MME: variants seen among roughly 807,000 people sequenced by gnomAD.
MME encodes the protein membrane metalloendopeptidase.
Under a neutral mutation model 113.2 loss-of-function variants are expected in MME, and 98 were observed. The observed-to-expected ratio is 0.87, with a 90% confidence interval of 0.74 to 1.02. The LOEUF (loss-of-function observed/expected upper bound fraction) is 1.02, where lower values mean the gene tolerates loss of function less well. Ranked by LOEUF, MME falls within the 50% of genes least tolerant of loss-of-function variation. The probability of loss-of-function intolerance (pLI) is 0.00; values close to 1 mark genes in which losing one functional copy is unlikely to be tolerated. For synonymous variants in MME, 292 were observed against 300.6 expected (o/e 0.97, Z 0.30); for missense variants, 836 against 896.0 (o/e 0.93, Z 0.86).
intron 1 of MME, among the ~76,000 whole-genome samples, chr3:155,036,342 G>A (rs1713126631): frequency 1.3e-5 from 2 of 152,166 alleles, no homozygotes; most frequent in Admixed American, 1.3e-4. Flanking sequence ...ACAGTTTTAC[G>A]CTTTTATGTA....
At position 155,142,033 on chromosome 3, in the gene MME, G is replaced by A. The variant is rs768955989; in HGVS notation, c.1000G>A (p.Val334Met). The A allele has an allele frequency of 6.2e-7, 1 of 1,613,598 alleles. No homozygotes were observed. The highest frequency in any genetic ancestry group is 1.1e-5 in the South Asian group (1 of 91,066). The change falls in exon 11 of 23, where the codon GTG becomes ATG. Residue 334 changes from valine (V) to methionine (M), a missense_variant. Physicochemically the swap from Val to Met is conservative, Grantham distance 21. Coordinates refer to ENST00000360490, the MANE Select transcript of MME (RefSeq NM_007289.4). The stretch of plus-strand genomic sequence containing the variant: ...TTTCACAAATGAAATCATGTCAACT[G>A]TGAATATTAGTATTACAAATGAGGA... Reference protein sequence around the residue: ...LNFTNEIMSTVNISITNEEDV... With the variant: ...LNFTNEIMSTMNISITNEEDV...
chr3:155,071,941 C>T (rs1194693344), intron 1 of MME, among the ~76,000 whole-genome samples: 1 of 151,666 alleles, frequency 6.6e-6, no homozygotes, highest in Non-Finnish European at 1.5e-5. Flanking sequence ...GCGGGTGGAT[C>T]ATGAGGTCAG....
At chr3:155,111,777 A>G (rs1382034348) in intron 3 of MME, among the ~76,000 whole-genome samples, 3 of 152,162 alleles carry the variant, frequency 2.0e-5, no homozygotes, top group Admixed American at 2.0e-4. Context: ...ATTTCCCCAG[A>G]AAGAGGAAGA....
intron 3 of MME, among the ~76,000 whole-genome samples, chr3:155,104,185 A>G (rs567319350): frequency 6.6e-6 from 1 of 152,158 alleles, no homozygotes; most frequent in Non-Finnish European, 1.5e-5. Flanking sequence ...TCAGTTCCTA[A>G]GAGTGTCGGG....
chr3:155,172,671 T>C (rs1712115033), intron 22 of MME, 59 bp downstream of exon 22: 3 of 1,290,500 alleles, frequency 2.3e-6, no homozygotes, highest in South Asian at 1.2e-5. Flanking sequence ...GCTTCCACAT[T>C]TGGAATTTAG....
At chr3:155,152,302 T>C (rs545339598) in intron 16 of MME, among the ~76,000 whole-genome samples, 1 of 152,250 alleles carries the variant, frequency 6.6e-6, no homozygotes, top group East Asian at 1.9e-4. Context: ...CAGCACCCCA[T>C]TGCATATTTC....
At chr3:155,042,619 C>T (rs974231864) in intron 1 of MME, among the ~76,000 whole-genome samples, 1 of 151,814 alleles carries the variant, frequency 6.6e-6, no homozygotes, top group Non-Finnish European at 1.5e-5. Flanking sequence ...TTTTATTTTC[C>T]TACCAGTAGT....
intron 10 of MME, among the ~76,000 whole-genome samples, chr3:155,141,718 T>C (rs897844367): frequency 6.6e-6 from 1 of 152,192 alleles, no homozygotes; most frequent in Non-Finnish European, 1.5e-5. Context: ...ATTTTCTGTA[T>C]TGGTTAGACA....
chr3:155,031,541 T>C (rs187472286), intron 1 of MME, among the ~76,000 whole-genome samples: 1 of 152,320 alleles, frequency 6.6e-6, no homozygotes, highest in Non-Finnish European at 1.5e-5. Flanking sequence ...AGGCAATCTC[T>C]TGTAAAGAAA....
At chr3:155,118,395 G>A (rs1718803214) in intron 7 of MME, among the ~76,000 whole-genome samples, 1 of 152,222 alleles carries the variant, frequency 6.6e-6, no homozygotes, top group Non-Finnish European at 1.5e-5. Context: ...TGAGAAATCT[G>A]TGAATATGTA....
chr3:155,126,888 A>G lies in MME; in HGVS notation c.720+8077A>G, dbSNP rs1719711088. The stretch of plus-strand genomic sequence containing the variant: ...GTTCTGCATGCCTGTAATCCCAGCT[A>G]CTTGGGAACTTGGGAGGCTGAGGCA... On this transcript the variant is annotated intron_variant, in intron 8 of 22. Coordinates refer to ENST00000360490, the MANE Select transcript of MME (RefSeq NM_007289.4). Among the ~76,000 whole-genome samples the G allele has an allele frequency of 2.6e-5, 4 of 151,688 alleles. No individual in the cohort carries two copies. The South Asian group carries it at 8.3e-4, about 32-fold the overall frequency.
In MME at chr3:155,044,657, A is replaced by G. The variant is rs77533315; in HGVS notation, c.-11+20333A>G. Among the ~76,000 whole-genome samples, 9 of 152,060 alleles carry G rather than the reference A, an allele frequency of 5.9e-5. No homozygotes were observed. In the East Asian group the frequency reaches 1.5e-3, roughly 26 times the overall value. On this transcript the variant is annotated intron_variant, in intron 1 of 22. Coordinates refer to the MME transcript ENST00000492661. ...GCCTCAGCCTCCTGAGTATCTTCTT[A>G]ATTGGAATGTTTATAGTGTTTCTCC...
intron 3 of MME, among the ~76,000 whole-genome samples, chr3:155,109,475 G>T (rs1576594574): frequency 6.6e-6 from 1 of 152,238 alleles, no homozygotes; most frequent in East Asian, 1.9e-4. Flanking sequence ...AATTATAAGG[G>T]ACTGAAGTCA....
rs1274566455 is a variant in MME at position 155,114,991 on chromosome 3, C to A, written c.197-3C>A. On this transcript the variant is annotated splice_polypyrimidine_tract_variant and splice_region_variant and intron_variant, in intron 3 of 22. Coordinates refer to ENST00000360490, the MANE Select transcript of MME (RefSeq NM_007289.4). ...TTATCTAGTGTTTTCTCTGCTCTTG[C>A]AGCTGCTCGACTGATCCAAAACATG... 1 of 1,613,824 alleles carries A rather than the reference C, an allele frequency of 6.2e-7. No individual in the cohort carries two copies. The highest frequency in any genetic ancestry group is 8.5e-7 in the Non-Finnish European group (1 of 1,179,882).
chr3:155,126,593 A>G (rs1576618363), intron 8 of MME, among the ~76,000 whole-genome samples: 1 of 152,186 alleles, frequency 6.6e-6, no homozygotes, highest in South Asian at 2.1e-4. Flanking sequence ...AAATTGAAAG[A>G]TTTCATTTGA....
At chr3:155,043,624 G>A (rs999770681) in intron 1 of MME, among the ~76,000 whole-genome samples, 9 of 151,888 alleles carry the variant, frequency 5.9e-5, no homozygotes, top group South Asian at 2.1e-4. Context: ...GAGCCACTGC[G>A]TCCAGCCTTA....
At chr3:155,091,632 T>C (rs61762354) in intron 3 of MME, among the ~76,000 whole-genome samples, 2 of 152,192 alleles carry the variant, frequency 1.3e-5, no homozygotes, top group African/African-American at 4.8e-5. Context: ...GGATCCTGTT[T>C]TGTCCTACTC....
At chr3:155,139,759 T>G (rs1399901588) in intron 9 of MME, among the ~76,000 whole-genome samples, 1 of 152,196 alleles carries the variant, frequency 6.6e-6, no homozygotes, top group Non-Finnish European at 1.5e-5. Flanking sequence ...CACCTTTTTT[T>G]CCTTGCTGAA....
chr3:155,074,117 A>T lies in MME; in HGVS notation c.-10-10041A>T, dbSNP rs149378891. Reference sequence around the variant, plus strand: ...TAACACAATACTTACTACTGAACTCATATTTAATTTTAATTTGAAGGTAAA... The same window carrying T: ...TAACACAATACTTACTACTGAACTCTTATTTAATTTTAATTTGAAGGTAAA... On this transcript the variant is annotated intron_variant, in intron 1 of 22. Coordinates refer to the MME transcript ENST00000492661. 6.6e-5 allele frequency among the ~76,000 whole-genome samples: 10 copies of T among 151,948 alleles called. No individual in the cohort carries two copies. In the East Asian group the frequency reaches 1.9e-3, roughly 29 times the overall value.
Sources: gnomAD v4.1 joint callset for allele counts (sites outside exome capture counted in the v4.1 genomes callset) on GRCh38, gnomAD v4.1.1 for gene constraint, MANE v1.5 for transcripts, NCBI Gene and HGNC (gene_info 2026-07-23, HGNC 2026-07-21) for gene names.